Variants in ADA2 observed in about 807,000 individuals in gnomAD.
The protein encoded by ADA2 is adenosine deaminase CECR1.
A neutral mutation model predicts 44.2 loss-of-function variants in ADA2; 29 were observed. The observed-to-expected ratio is 0.66, with a 90% CI of 0.49 to 0.89. The LOEUF (loss-of-function observed/expected upper bound fraction) is 0.89. Ranked by LOEUF, ADA2 falls within the 40% of genes least tolerant of loss-of-function variation. The probability of loss-of-function intolerance (pLI) is 0.00; values close to 1 mark genes in which losing one functional copy is unlikely to be tolerated. For synonymous variants in ADA2, 215 were observed against 234.9 expected, an observed-to-expected ratio of 0.92 and a Z score of 0.77; for missense variants, 637 against 644.8, an observed-to-expected ratio of 0.99 and a Z score of 0.13.
chr22:17,182,954 G>A (rs952283182), intron 7 of ADA2, among the ~76,000 whole-genome samples, 193 bp from the exon 8 acceptor site: 1 of 152,002 alleles, frequency 6.6e-6, no homozygotes, highest in Non-Finnish European at 1.5e-5. Flanking sequence ...AGAGAGGTAT[G>A]ATATGGCTTT....
upstream of ADA2, chr22:17,219,700 G>A (rs1272127780): frequency 9.0e-6 from 1 of 111,524 alleles, no homozygotes; most frequent in African/African-American, 3.2e-5. Flanking sequence ...TGTAGACAGA[G>A]TTTCACTCTT....
At chr22:17,188,886 T>TATATATATATATATATATATATATA (rs1491152456) in intron 6 of ADA2, among the ~76,000 whole-genome samples, 14 of 59,590 alleles carry the variant, frequency 2.3e-4, no homozygotes, top group Non-Finnish European at 4.6e-4. Context: ...TATATATATA[T>TATATATATATATATATATATATATA]TTTGTAAAGA....
chr22:17,205,981 T>C (rs1402082162), intron 3 of ADA2, among the ~76,000 whole-genome samples: 5 of 152,104 alleles, frequency 3.3e-5, no homozygotes, highest in Admixed American at 3.3e-4. Context: ...GCCTAGATGA[T>C]AGAATGAGAC....
At chr22:17,196,323 CAAAA>C (rs34561761) in intron 4 of ADA2, among the ~76,000 whole-genome samples, 6 of 86,840 alleles carry the variant, frequency 6.9e-5, no homozygotes, top group Non-Finnish European at 8.8e-5. Flanking sequence ...AACTCCATCC[CAAAA>C]AAAAAAAAAA....
upstream of ADA2, among the ~76,000 whole-genome samples, chr22:17,220,633 T>G (rs1402547999): frequency 6.6e-6 from 1 of 152,090 alleles, no homozygotes; most frequent in Non-Finnish European, 1.5e-5. Flanking sequence ...GGGACCTCCA[T>G]GTCACATGCA....
intron 4 of ADA2, among the ~76,000 whole-genome samples, chr22:17,197,979 G>A (rs541731743): frequency 1.7e-3 from 253 of 151,848 alleles, no homozygotes; most frequent in African/African-American, 5.8e-3. Context: ...CGGAGGTTGC[G>A]GTGAGCCAAG....
chr22:17,194,947 T>C (rs760678525), intron 4 of ADA2, among the ~76,000 whole-genome samples: 4 of 151,970 alleles, frequency 2.6e-5, no homozygotes, highest in Non-Finnish European at 5.9e-5. Flanking sequence ...CCCTCTCCCG[T>C]ACCAGGAGAA....
chr22:17,214,418 C>G (rs2062449305), intron 1 of ADA2, among the ~76,000 whole-genome samples: 1 of 152,190 alleles, frequency 6.6e-6, no homozygotes, highest in Non-Finnish European at 1.5e-5. Context: ...TAAGTTTATT[C>G]AGAGGTAAAG....
At chr22:17,196,253 G>A (rs547595566) in intron 4 of ADA2, among the ~76,000 whole-genome samples, 7 of 150,966 alleles carry the variant, frequency 4.6e-5, no homozygotes, top group South Asian at 2.1e-4. Flanking sequence ...CCCAGGAAGC[G>A]GAGGTTGCAG....
chr22:17,218,962 G>T (rs1008453014), intron 1 of ADA2, among the ~76,000 whole-genome samples: 5 of 152,174 alleles, frequency 3.3e-5, no homozygotes, highest in Admixed American at 6.6e-5. Context: ...TTCAAGACCA[G>T]CCTGGCCAAC....
At chr22:17,209,165 C>T (rs551670041) in intron 2 of ADA2, among the ~76,000 whole-genome samples, 191 bp downstream of exon 2, 1 of 152,134 alleles carries the variant, frequency 6.6e-6, no homozygotes, top group South Asian at 2.1e-4. Context: ...GTCTGCGAGT[C>T]CCCCAGGAAG....
At position 17,191,672 on chromosome 22, in the gene ADA2, T is replaced by C. The variant is rs2062116470; in HGVS notation, c.881+11A>G. 6.2e-7 allele frequency: 1 copy of C among 1,606,252 alleles called. No individual in the cohort carries two copies. Among genetic ancestry groups the C allele is most frequent in the South Asian group, 1.1e-5 (1 of 90,934 alleles). ...TCCCAACCCGAGCTTTTCAGCAATA[T>C]TCTCTCTCACCTGTGATCCGAATAA... On this transcript the variant is annotated intron_variant, in intron 5 of 9. Coordinates refer to ENST00000399837, the MANE Select transcript of ADA2 (RefSeq NM_001282225.2).
chr22:17,217,667 G>T (rs145186741), intron 1 of ADA2, among the ~76,000 whole-genome samples: 124 of 152,158 alleles, frequency 8.1e-4, no homozygotes, highest in Non-Finnish European at 1.4e-3. Context: ...AATTAGCCAG[G>T]CGTGGTGTAT....
chr22:17,208,772 C>T (rs939849832), intron 2 of ADA2, among the ~76,000 whole-genome samples: 2 of 151,826 alleles, frequency 1.3e-5, no homozygotes, highest in African/African-American at 4.8e-5. Context: ...CAGTGCACTT[C>T]AGCCTGGGCA....
At chr22:17,217,980 G>A (rs573081546) in intron 1 of ADA2, among the ~76,000 whole-genome samples, 11 of 152,244 alleles carry the variant, frequency 7.2e-5, no homozygotes, top group Non-Finnish European at 1.0e-4. Context: ...AATCACTAAC[G>A]TCTCCAGATC....
At chr22:17,188,520 C>A in intron 6 of ADA2, 73 bp from the exon 7 acceptor site, 1 of 904,794 alleles carries the variant, frequency 1.1e-6, no homozygotes, top group South Asian at 1.4e-5. Context: ...GCCCTGGAGC[C>A]TGTGCACACC....
In ADA2 at chr22:17,206,896, C is replaced by T. The variant is rs12168080; in HGVS notation, c.542+175G>A. Reference sequence around the variant, plus strand: ...TGGCAACTCCTGGGCTCAAGTGATCCGCTCGCCTTGGCCTCCCAAAGTGCT... The same window carrying T: ...TGGCAACTCCTGGGCTCAAGTGATCTGCTCGCCTTGGCCTCCCAAAGTGCT... On this transcript the variant is annotated intron_variant, in intron 3 of 9. Transcript: ENST00000399837. 7.5e-3 allele frequency among the ~76,000 whole-genome samples: 1,139 copies of T among 152,282 alleles called. 12 individuals are homozygous for T. Among genetic ancestry groups the T allele is most frequent in the African/African-American group, 0.026 (1,075 of 41,566 alleles).
At chr22:17,194,873 A>T (rs79244561) in intron 4 of ADA2, among the ~76,000 whole-genome samples, 202 of 152,136 alleles carry the variant, frequency 1.3e-3, no homozygotes, top group African/African-American at 4.7e-3. Context: ...GAAGCAGCAA[A>T]TGAAGAAAGA....
chr22:17,183,050 T>C (rs2123606528), intron 7 of ADA2, among the ~76,000 whole-genome samples: 1 of 152,310 alleles, frequency 6.6e-6, no homozygotes, highest in Non-Finnish European at 1.5e-5. Context: ...CCAAGGATGT[T>C]CACACAGTAA....
Sources: allele counts gnomAD v4.1 joint callset (sites outside exome capture counted in the v4.1 genomes callset), GRCh38; gene constraint gnomAD v4.1.1; transcripts MANE v1.5; gene names NCBI Gene and HGNC (gene_info 2026-07-23, HGNC 2026-07-21).